The following CAMK1D variants were observed in gnomAD, a reference collection of about 807,000 sequenced individuals.
CAMK1D encodes calcium/calmodulin dependent protein kinase ID, also known as calcium/calmodulin-dependent protein kinase type 1D.
CAMK1D carries 9 observed loss-of-function variants against 47.7 expected under a neutral mutation model. The ratio of observed to expected loss-of-function variants is 0.19; its 90% CI spans 0.11 to 0.33. The LOEUF (loss-of-function observed/expected upper bound fraction) is 0.33, where lower values mean the gene tolerates loss of function less well. CAMK1D is among the 10% of genes least tolerant of loss of function. The pLI is 1.00. For missense variants in CAMK1D, 291 were observed against 488.7 expected, an observed-to-expected ratio of 0.60 and a Z score of 3.81; for synonymous variants, 184 against 184.9, an observed-to-expected ratio of 0.99 and a Z score of 0.04.
At chr10:12,553,406 T>C (rs775427069) in intron 2 of CAMK1D, 50 bp downstream of exon 2, 4 of 1,477,796 alleles carry the variant, frequency 2.7e-6, no homozygotes, top group Non-Finnish European at 3.8e-6. Flanking sequence ...CTGGCCCGTG[T>C]GTCCTGCAGG....
chr10:12,635,367 A>G (rs935150117), intron 2 of CAMK1D, among the ~76,000 whole-genome samples: 4 of 152,218 alleles, frequency 2.6e-5, no homozygotes, highest in African/African-American at 9.7e-5. Flanking sequence ...AACGTAGTCA[A>G]TGAAGCAGTG....
intron 2 of CAMK1D, among the ~76,000 whole-genome samples, chr10:12,561,558 T>C (rs1836944808): frequency 6.6e-6 from 1 of 152,200 alleles, no homozygotes; most frequent in Non-Finnish European, 1.5e-5. Flanking sequence ...TGTGCTGAAC[T>C]TTCCCCTAAG....
intron 3 of CAMK1D, among the ~76,000 whole-genome samples, chr10:12,751,985 CTT>C (rs111668928): frequency 6.2e-5 from 9 of 144,436 alleles, no homozygotes; most frequent in Admixed American, 2.1e-4. Context: ...CTTGGATTAT[CTT>C]TTTTTTTTTT....
chr10:12,501,529 C>G (rs1194260096), intron 1 of CAMK1D, among the ~76,000 whole-genome samples: 1 of 152,148 alleles, frequency 6.6e-6, no homozygotes, highest in South Asian at 2.1e-4. Context: ...GTTGTATGCA[C>G]GGCTCTGTGC....
At chr10:12,807,129 C>T (rs530149324) in intron 6 of CAMK1D, among the ~76,000 whole-genome samples, 11 of 152,342 alleles carry the variant, frequency 7.2e-5, no homozygotes, top group African/African-American at 2.4e-4. Context: ...CATAAGGCCT[C>T]TAACTCCAGC....
intron 1 of CAMK1D, among the ~76,000 whole-genome samples, chr10:12,551,196 G>T (rs140537286): frequency 6.6e-6 from 1 of 152,182 alleles, no homozygotes. Context: ...CATTGTTCAC[G>T]TTACCGCCTG....
intron 1 of CAMK1D, among the ~76,000 whole-genome samples, chr10:12,401,824 T>C (rs746969823): frequency 7.9e-5 from 12 of 151,872 alleles, no homozygotes; most frequent in South Asian, 2.1e-4. Flanking sequence ...CATTCAGGCA[T>C]GTATAGGGGA....
intron 2 of CAMK1D, among the ~76,000 whole-genome samples, chr10:12,603,128 C>T (rs1012778319): frequency 1.6e-4 from 24 of 152,006 alleles, no homozygotes; most frequent in African/African-American, 5.1e-4. Context: ...CCAGGCTGGT[C>T]TTGAACTTAC....
chr10:12,389,195 G>GA (rs397768562), intron 1 of CAMK1D, among the ~76,000 whole-genome samples: 1 of 36,166 alleles, frequency 2.8e-5, no homozygotes, highest in Non-Finnish European at 9.3e-5. Flanking sequence ...GCGTGGGGGT[G>GA]TGTGTGGTCA....
At chr10:12,494,120 T>C (rs1209200879) in intron 1 of CAMK1D, among the ~76,000 whole-genome samples, 3 of 152,158 alleles carry the variant, frequency 2.0e-5, no homozygotes, top group Admixed American at 2.0e-4. Context: ...AAAGGAGTCA[T>C]GAAAAGCCCA....
chr10:12,743,355 A>AAAAAAAAAAG lies in CAMK1D; in HGVS notation c.300-17589_300-17588insAAAAAGAAAA, dbSNP rs1461631779. ...GGGTAAGACCCTGTCTCAAAAAAAA[A>AAAAAAAAAAG]AAAAGAAAAAAGAAAAAAAGAAAAA... On this transcript the variant is annotated intron_variant, in intron 3 of 10. Coordinates refer to ENST00000619168, the MANE Select transcript of CAMK1D (RefSeq NM_153498.4). 5.1e-5 allele frequency among the ~76,000 whole-genome samples: 6 copies of AAAAAAAAAAG among 118,156 alleles called. 1 individual carries two copies. Among genetic ancestry groups the AAAAAAAAAAG allele is most frequent in the African/African-American group, 1.7e-4 (6 of 35,286 alleles). The allele number at this position is 118,156 out of a possible 152,430, so 77.5% of individuals were successfully genotyped here.
intron 5 of CAMK1D, among the ~76,000 whole-genome samples, chr10:12,787,432 C>G (rs1837777556): frequency 6.6e-6 from 1 of 152,196 alleles, no homozygotes; most frequent in South Asian, 2.1e-4. Context: ...AGAGTCCTCC[C>G]TCCCACCATC....
At chr10:12,489,946 C>G (rs749782789) in intron 1 of CAMK1D, among the ~76,000 whole-genome samples, 1 of 152,178 alleles carries the variant, frequency 6.6e-6, no homozygotes, top group Non-Finnish European at 1.5e-5. Context: ...GAATGTGTTG[C>G]TGGATGTGAT....
chr10:12,618,993 C>T (rs1306033415), intron 2 of CAMK1D, among the ~76,000 whole-genome samples: 1 of 152,222 alleles, frequency 6.6e-6, no homozygotes, highest in Non-Finnish European at 1.5e-5. Context: ...TTTTCTCTTA[C>T]TCCAAAGTCT....
chr10:12,529,928 G>A (rs912052278), intron 1 of CAMK1D, among the ~76,000 whole-genome samples: 2 of 152,068 alleles, frequency 1.3e-5, no homozygotes, highest in Admixed American at 6.6e-5. Context: ...TGGATCTCTT[G>A]TCCTGTGCTT....
intron 2 of CAMK1D, among the ~76,000 whole-genome samples, chr10:12,557,176 C>G (rs868063749): frequency 2.6e-5 from 4 of 152,214 alleles, no homozygotes; most frequent in Middle Eastern, 3.4e-3. Flanking sequence ...GTAGAGAGGT[C>G]CAGTTGACTG....
intron 3 of CAMK1D, among the ~76,000 whole-genome samples, chr10:12,682,299 G>A (rs58309034): frequency 0.03 from 4,514 of 152,174 alleles, 83 homozygotes; most frequent in African/African-American, 0.045. Context: ...TCTTTGTGGC[G>A]CCCCTATTTT....
At position 12,608,727 on chromosome 10, in the gene CAMK1D, T is replaced by A. The variant is rs547967807; in HGVS notation, c.224+55371T>A. ...ATATCAAGTTTTATAAAATCCCGCG[T>A]CTCTTCTATCTTTGCTTTTTACTTC... is the stretch of plus-strand genomic sequence containing the variant. On this transcript the variant is annotated intron_variant, in intron 2 of 10. Coordinates refer to ENST00000619168, the MANE Select transcript of CAMK1D (RefSeq NM_153498.4). Among the ~76,000 whole-genome samples, 11 of 152,344 alleles carry A rather than the reference T, an allele frequency of 7.2e-5. No homozygotes were observed. The South Asian group carries it at 2.3e-3, about 32-fold the overall frequency.
intron 3 of CAMK1D, among the ~76,000 whole-genome samples, chr10:12,746,220 T>C (rs563490878): frequency 0.012 from 1,772 of 147,724 alleles, 41 homozygotes; most frequent in African/African-American, 0.044. Context: ...AAAAATTAGC[T>C]GGGCGTGGTG....
Sources: gnomAD v4.1 joint callset for allele counts (sites outside exome capture counted in the v4.1 genomes callset) on GRCh38, gnomAD v4.1.1 for gene constraint, MANE v1.5 for transcripts, NCBI Gene and HGNC (gene_info 2026-07-23, HGNC 2026-07-21) for gene names.